PTPRG: variants seen among roughly 807,000 people sequenced by gnomAD.
PTPRG encodes the protein receptor-type tyrosine-protein phosphatase gamma.
A neutral mutation model predicts 165.3 loss-of-function variants in PTPRG; 102 were observed. The ratio of observed to expected loss-of-function variants is 0.62; its 90% CI spans 0.53 to 0.73. The LOEUF (loss-of-function observed/expected upper bound fraction) is 0.73, where lower values mean the gene tolerates loss of function less well. PTPRG is among the 30% of genes least tolerant of loss of function. The pLI, the probability that PTPRG is intolerant of heterozygous loss-of-function variation, is 0.00. For synonymous variants in PTPRG, 675 were observed against 669.5 expected (o/e 1.01, Z -0.13); for missense variants, 1,866 against 1,861.4 (o/e 1.00, Z -0.05).
chr3:62,243,865 C>A lies in PTPRG; in HGVS notation c.2434C>A (p.Pro812Thr). The change falls in exon 15 of 30, where the codon CCT (proline) becomes ACT (threonine). Residue 812 changes from proline (P) to threonine (T), a missense_variant. By Grantham distance (38) the Pro-to-Thr change is conservative. Coordinates refer to ENST00000474889, the MANE Select transcript of PTPRG (RefSeq NM_002841.4). ...AGACAGCAGTTCACCTCGAGTGGTC[C>A]CTAATGAAAGTATCCCTATTATTCC... ...VEDSSSPRVV[P>T]NESIPIIPIP... is the part of the protein sequence containing the mutation. 1.3e-6 allele frequency: 2 copies of A among 1,587,742 alleles called. No homozygotes were observed. Among genetic ancestry groups the A allele is most frequent in the South Asian group, 1.1e-5 (1 of 90,102 alleles).
At chr3:61,917,460 A>G (rs1340022951) in intron 2 of PTPRG, among the ~76,000 whole-genome samples, 1 of 152,126 alleles carries the variant, frequency 6.6e-6, no homozygotes, top group Non-Finnish European at 1.5e-5. Context: ...TGTTGCTAAA[A>G]TCACACCCTA....
chr3:62,047,231 C>T (rs1038753194), intron 4 of PTPRG, among the ~76,000 whole-genome samples: 1 of 130,642 alleles, frequency 7.7e-6, no homozygotes, highest in African/African-American at 2.6e-5. Context: ...CTTTGTTTCA[C>T]TTGCTGAGCT....
intron 1 of PTPRG, among the ~76,000 whole-genome samples, chr3:61,622,897 T>A (rs13087380): frequency 0.1 from 15,411 of 152,122 alleles, 856 homozygotes; most frequent in East Asian, 0.2. Context: ...ATTTGCACCC[T>A]AAGTACAAAA....
chr3:61,718,205 A>C (rs1236903726), intron 1 of PTPRG, among the ~76,000 whole-genome samples: 57 of 143,946 alleles, frequency 4.0e-4, no homozygotes, highest in African/African-American at 5.4e-4. Context: ...AAACAAAAAA[A>C]CAAAAACCAA....
chr3:62,029,133 A>C (rs1699680063), intron 4 of PTPRG, among the ~76,000 whole-genome samples: 1 of 152,160 alleles, frequency 6.6e-6, no homozygotes, highest in African/African-American at 2.4e-5. Flanking sequence ...TCTCTCACAC[A>C]CACTAAGAAT....
intron 21 of PTPRG, 62 bp from the exon 22 acceptor site, chr3:62,272,884 G>A (rs555582480): frequency 7.7e-6 from 11 of 1,431,698 alleles, no homozygotes; most frequent in Admixed American, 5.2e-5. Flanking sequence ...GGAATTTTTC[G>A]AATCCAAAGT....
chr3:61,580,682 A>G (rs1700273918), intron 1 of PTPRG, among the ~76,000 whole-genome samples: 1 of 152,200 alleles, frequency 6.6e-6, no homozygotes, highest in Non-Finnish European at 1.5e-5. Flanking sequence ...TAAACTTAGT[A>G]AGTGTTACAT....
intron 3 of PTPRG, among the ~76,000 whole-genome samples, 168 bp downstream of exon 3, chr3:61,989,972 G>A (rs1423384287): frequency 6.6e-6 from 1 of 152,068 alleles, no homozygotes; most frequent in African/African-American, 2.4e-5. Context: ...AAATCACTCT[G>A]TGGCTAATCA....
At chr3:62,006,903 T>C (rs78645319) in intron 4 of PTPRG, among the ~76,000 whole-genome samples, 1,659 of 152,232 alleles carry the variant, frequency 0.011, 23 homozygotes, top group African/African-American at 0.038. Context: ...AAGCAGTGTG[T>C]TTAGTGGAAT....
At chr3:61,931,236 C>A in intron 2 of PTPRG, among the ~76,000 whole-genome samples, 1 of 152,220 alleles carries the variant, frequency 6.6e-6, no homozygotes, top group East Asian at 1.9e-4. Flanking sequence ...CTACCTGTGC[C>A]TGGAAGGCTC....
chr3:62,239,516 C>A (rs146228612), intron 14 of PTPRG, among the ~76,000 whole-genome samples: 16 of 151,426 alleles, frequency 1.1e-4, no homozygotes, highest in African/African-American at 3.9e-4. Flanking sequence ...ACTACAGGCA[C>A]GTGCCACCAC....
intron 10 of PTPRG, among the ~76,000 whole-genome samples, chr3:62,199,775 A>G (rs1482783740): frequency 6.6e-6 from 1 of 152,220 alleles, no homozygotes. Flanking sequence ...AACCACATAG[A>G]AGCAGTTTGA....
rs1264051635 is a variant in PTPRG, at chr3:62,254,443, C to T, written c.2468-681C>T. Among the ~76,000 whole-genome samples, 2 of 152,082 alleles carry T rather than the reference C, an allele frequency of 1.3e-5. No homozygotes were observed. Among genetic ancestry groups the T allele is most frequent in the African/African-American group, 4.8e-5 (2 of 41,428 alleles). The stretch of plus-strand genomic sequence containing the variant: ...AACTGAAAGTCTCCTTTTGAAGTGA[C>T]AACACGAAATAAATGGGAATGTGGA... On this transcript the variant is annotated intron_variant, in intron 15 of 29. Coordinates refer to ENST00000474889, the MANE Select transcript of PTPRG (RefSeq NM_002841.4). This position sits in a 1 kb window ranked among gnomAD's most constrained non-coding sequence, Gnocchi z 4.6.
chr3:61,979,920 G>A (rs2040599858), intron 2 of PTPRG, among the ~76,000 whole-genome samples: 1 of 151,904 alleles, frequency 6.6e-6, no homozygotes, highest in Admixed American at 6.6e-5. Context: ...TTGTAAAACT[G>A]CTTTTAATTT....
rs867246365 is a variant in PTPRG at position 61,738,319 on chromosome 3, T to C, written c.86-10559T>C. Among the ~76,000 whole-genome samples, 91 of 102,818 alleles carry C rather than the reference T, an allele frequency of 8.9e-4. 1 individual carries two copies. The highest frequency in any genetic ancestry group is 1.7e-3 in the East Asian group (5 of 3,028). The allele number at this position is 102,818 out of a possible 152,430, so 67.5% of individuals were successfully genotyped here. A position where few individuals can be genotyped will look rare whatever the true frequency, so the allele number is the denominator to read the frequency against. On this transcript the variant is annotated intron_variant, in intron 1 of 29. Coordinates refer to ENST00000474889, the MANE Select transcript of PTPRG (RefSeq NM_002841.4). ...ATATATATATATATATATACATATA[T>C]ATATATATATATATATATGTATATA...
In PTPRG at chr3:62,267,838, A is replaced by ACTAT. The variant is rs779852265; in HGVS notation, c.2874+22_2874+25dup. The ACTAT allele has an allele frequency of 1.2e-6, 2 of 1,609,550 alleles. No homozygotes were observed. Among genetic ancestry groups the ACTAT allele is most frequent in the African/African-American group, 2.7e-5 (2 of 74,680 alleles). On this transcript the variant is annotated intron_variant, in intron 19 of 29. Coordinates refer to ENST00000474889, the MANE Select transcript of PTPRG (RefSeq NM_002841.4). Reference sequence around the variant, plus strand: ...AGGAAGAGTAAGAGCCTTTTGACTCACTATCTTAATAATGCACCTTCATTC... The same window carrying ACTAT: ...AGGAAGAGTAAGAGCCTTTTGACTCACTATCTATCTTAATAATGCACCTTCATTC...
chr3:62,015,316 A>T (rs1352574460), intron 4 of PTPRG, among the ~76,000 whole-genome samples: 1 of 152,130 alleles, frequency 6.6e-6, no homozygotes. Context: ...CTGAAACAGC[A>T]GGAGAAAGGA....
intron 2 of PTPRG, among the ~76,000 whole-genome samples, chr3:61,758,965 T>G (rs2033735439): frequency 6.6e-6 from 1 of 152,226 alleles, no homozygotes; most frequent in Non-Finnish European, 1.5e-5. Flanking sequence ...CAAGCTTAAG[T>G]ATAATCTTGT....
At chr3:62,134,767 C>T (rs1703643692) in intron 6 of PTPRG, among the ~76,000 whole-genome samples, 1 of 152,116 alleles carries the variant, frequency 6.6e-6, no homozygotes, top group Non-Finnish European at 1.5e-5. Context: ...CTGTGTCCAG[C>T]AAATAGTAGG....
Sources: gnomAD v4.1 joint callset for allele counts (sites outside exome capture counted in the v4.1 genomes callset) on GRCh38, gnomAD v4.1.1 for gene constraint, Gnocchi (gnomAD v3.1) non-coding constraint, MANE v1.5 for transcripts, NCBI Gene and HGNC (gene_info 2026-07-23, HGNC 2026-07-21) for gene names.